The following SPAG16 variants were observed in gnomAD, a reference collection of about 807,000 sequenced individuals.
SPAG16 encodes sperm associated antigen 16, also known as sperm-associated antigen 16 protein.
Under a neutral mutation model 80.4 loss-of-function variants are expected in SPAG16, and 86 were observed. The ratio of observed to expected loss-of-function variants is 1.07; its 90% CI spans 0.90 to 1.28. The LOEUF (loss-of-function observed/expected upper bound fraction) is 1.28, where lower values mean the gene tolerates loss of function less well. Among genes scored for constraint, SPAG16 ranks in the 50% most tolerant of loss-of-function variants. The probability of loss-of-function intolerance (pLI) is 0.00; values close to 1 mark genes in which losing one functional copy is unlikely to be tolerated. For synonymous variants in SPAG16, 294 were observed against 265.9 expected (o/e 1.11, Z -1.03); for missense variants, 870 against 765.3 (o/e 1.14, Z -1.61).
intron 9 of SPAG16, among the ~76,000 whole-genome samples, chr2:213,462,031 TG>T (rs1011282178): frequency 1.1e-4 from 16 of 152,206 alleles, no homozygotes; most frequent in African/African-American, 3.9e-4. Context: ...AATGAGATGT[TG>T]AAAAAAATGT....
intron 15 of SPAG16, among the ~76,000 whole-genome samples, chr2:214,319,278 T>C (rs1215390297): frequency 6.6e-6 from 1 of 151,776 alleles, no homozygotes; most frequent in Non-Finnish European, 1.5e-5. Context: ...CTGAAGGGTT[T>C]CCTAGTGCTA....
At chr2:213,296,443 A>G (rs566981955) in intron 2 of SPAG16, among the ~76,000 whole-genome samples, 5 of 152,242 alleles carry the variant, frequency 3.3e-5, no homozygotes, top group African/African-American at 1.2e-4. Context: ...TGCTCTTGTC[A>G]AGGATTCCTA....
chr2:213,748,975 T>G (rs1243702218), intron 10 of SPAG16, among the ~76,000 whole-genome samples: 1 of 152,032 alleles, frequency 6.6e-6, no homozygotes, highest in African/African-American at 2.4e-5. Flanking sequence ...GGTGAAACCC[T>G]GTCTCTATTA....
intron 9 of SPAG16, among the ~76,000 whole-genome samples, chr2:213,422,995 C>T (rs1318119697): frequency 1.3e-5 from 2 of 152,224 alleles, no homozygotes; most frequent in African/African-American, 4.8e-5. Flanking sequence ...GTCTTCCTTT[C>T]CTTAGGCTGT....
intron 8 of SPAG16, among the ~76,000 whole-genome samples, chr2:213,365,830 A>G (rs2066249262): frequency 6.6e-6 from 1 of 152,028 alleles, no homozygotes; most frequent in Non-Finnish European, 1.5e-5. Context: ...AGAGAGATCC[A>G]TAAAGGCATC....
Position 213,595,497 on chromosome 2 carries a change from G to A in SPAG16, c.1070+105407G>A, listed in dbSNP as rs16850500. Among the ~76,000 whole-genome samples the A allele has an allele frequency of 3.1e-3, 479 of 152,114 alleles. 2 individuals are homozygous for A. Among genetic ancestry groups the A allele is most frequent in the African/African-American group, 0.011 (446 of 41,550 alleles). On this transcript the variant is annotated intron_variant, in intron 10 of 15. Transcript: ENST00000331683. The stretch of plus-strand genomic sequence containing the variant: ...CAAACGACATATTCTGCATTTTCTA[G>A]GATTCCTTTAAACTGTTTTATGTGG...
chr2:214,384,121 T>TTAATGAATATACCTA (rs1263078341), intron 15 of SPAG16, among the ~76,000 whole-genome samples: 1 of 152,234 alleles, frequency 6.6e-6, no homozygotes, highest in Non-Finnish European at 1.5e-5. Flanking sequence ...AATCTGTTTT[T>TTAATGAATATACCTA]TAATGAATAT....
At chr2:213,993,018 C>T (rs1049099044) in intron 12 of SPAG16, among the ~76,000 whole-genome samples, 50 of 152,262 alleles carry the variant, frequency 3.3e-4, no homozygotes, top group East Asian at 5.8e-4. Flanking sequence ...AGCAACATAA[C>T]GAGCTAAGAA....
intron 3 of SPAG16, among the ~76,000 whole-genome samples, chr2:213,298,824 C>G (rs1039944837): frequency 3.9e-5 from 6 of 152,128 alleles, no homozygotes; most frequent in African/African-American, 1.4e-4. Context: ...CTGATTGACT[C>G]TCATTTAGCT....
intron 15 of SPAG16, among the ~76,000 whole-genome samples, chr2:214,405,938 A>G (rs1404123710): frequency 6.6e-6 from 1 of 152,240 alleles, no homozygotes; most frequent in Non-Finnish European, 1.5e-5. Flanking sequence ...CATTCAATGA[A>G]TGAGGGCTAC....
chr2:214,031,713 C>T (rs2048424369), intron 13 of SPAG16, among the ~76,000 whole-genome samples: 1 of 151,710 alleles, frequency 6.6e-6, no homozygotes, highest in Admixed American at 6.6e-5. Context: ...CACAGTTTTA[C>T]AGGCTCTATA....
At chr2:214,358,860 ACATTGTTATT>A (rs879731373) in intron 15 of SPAG16, among the ~76,000 whole-genome samples, 3 of 151,928 alleles carry the variant, frequency 2.0e-5, no homozygotes, top group South Asian at 2.1e-4. Flanking sequence ...CTTGTCATAT[ACATTGTTATT>A]TCATATTATA....
chr2:214,027,212 C>A (rs2048176870), intron 13 of SPAG16, among the ~76,000 whole-genome samples: 1 of 151,400 alleles, frequency 6.6e-6, no homozygotes, highest in Admixed American at 6.6e-5. Flanking sequence ...TACATTCAAA[C>A]CCTTCTATTC....
chr2:213,877,120 G>T (rs542810027), intron 11 of SPAG16, among the ~76,000 whole-genome samples: 1 of 152,062 alleles, frequency 6.6e-6, no homozygotes, highest in Admixed American at 6.6e-5. Context: ...CCTTTAACAT[G>T]TACTTTTTCT....
At chr2:213,656,851 A>G (rs1429350991) in intron 10 of SPAG16, among the ~76,000 whole-genome samples, 1 of 152,204 alleles carries the variant, frequency 6.6e-6, no homozygotes, top group African/African-American at 2.4e-5. Context: ...AAGAACTTTG[A>G]ATAGTTCATG....
intron 6 of SPAG16, among the ~76,000 whole-genome samples, chr2:213,348,400 G>A (rs1411008714): frequency 6.6e-6 from 1 of 152,132 alleles, no homozygotes; most frequent in African/African-American, 2.4e-5. Flanking sequence ...ATTCTTATGT[G>A]TGAATTTGAT....
chr2:214,192,641 T>A (rs925422174), intron 15 of SPAG16, among the ~76,000 whole-genome samples: 1 of 152,112 alleles, frequency 6.6e-6, no homozygotes, highest in African/African-American at 2.4e-5. Flanking sequence ...CTTTATTTTT[T>A]TTGTACTTTT....
At chr2:213,340,302 AGAGT>A in intron 6 of SPAG16, 32 bp downstream of exon 6, 6 of 1,384,172 alleles carry the variant, frequency 4.3e-6, no homozygotes, top group Non-Finnish European at 6.1e-6. Context: ...TATTTATTAA[AGAGT>A]TATTTAATAC....
chr2:213,997,667 T>C (rs2046590886), intron 12 of SPAG16, among the ~76,000 whole-genome samples: 1 of 152,194 alleles, frequency 6.6e-6, no homozygotes, highest in Non-Finnish European at 1.5e-5. Flanking sequence ...ATCTTTTGGC[T>C]TCCCCAGGCC....
Sources: gnomAD v4.1 joint callset for allele counts (sites outside exome capture counted in the v4.1 genomes callset) on GRCh38, gnomAD v4.1.1 for gene constraint, MANE v1.5 for transcripts, NCBI Gene and HGNC (gene_info 2026-07-23, HGNC 2026-07-21) for gene names.